Variants in LIPK observed in about 807,000 individuals in gnomAD.
The protein encoded by LIPK is lipase family member K.
A neutral mutation model predicts 48.6 loss-of-function variants in LIPK; 32 were observed. That is an observed-to-expected ratio of 0.66 (90% CI 0.50 to 0.88). The LOEUF (loss-of-function observed/expected upper bound fraction) is 0.88, where lower values mean the gene tolerates loss of function less well. Among genes scored for constraint, LIPK ranks in the 40% least tolerant of loss-of-function variants. LIPK has a pLI of 0.00. For synonymous variants in LIPK, 164 were observed against 157.4 expected, an observed-to-expected ratio of 1.04 and a Z score of -0.32; for missense variants, 507 against 478.5, an observed-to-expected ratio of 1.06 and a Z score of -0.56.
chr10:88,716,218 T>C (rs1245488061), intron 1 of LIPK, among the ~76,000 whole-genome samples: 4 of 152,230 alleles, frequency 2.6e-5, no homozygotes, highest in African/African-American at 9.6e-5. Context: ...AATTGAAAAC[T>C]TTTTAAAAAG....
chr10:88,739,377 C>T (rs576096866), intron 7 of LIPK, among the ~76,000 whole-genome samples: 6 of 152,236 alleles, frequency 3.9e-5, no homozygotes, highest in African/African-American at 7.2e-5. Context: ...ACCCTTGAAC[C>T]TATGGGAGTT....
At chr10:88,714,014 TTTG>T (rs910165741) in intron 1 of LIPK, among the ~76,000 whole-genome samples, 99 of 152,032 alleles carry the variant, frequency 6.5e-4, no homozygotes, top group Non-Finnish European at 1.2e-3. Context: ...CTTTCCCATC[TTTG>T]TTGTTGTTGT....
At chr10:88,740,877 C>A (rs17433712) in intron 8 of LIPK, among the ~76,000 whole-genome samples, 1 of 151,912 alleles carries the variant, frequency 6.6e-6, no homozygotes, top group South Asian at 2.1e-4. Flanking sequence ...TTTAGAGAAT[C>A]GCTACTATAG....
intron 1 of LIPK, among the ~76,000 whole-genome samples, chr10:88,708,689 C>A (rs1490500446): frequency 6.6e-6 from 1 of 151,950 alleles, no homozygotes; most frequent in African/African-American, 2.4e-5. Context: ...GATTTGATGC[C>A]TAATATCATC....
At chr10:88,740,499 A>G (rs435159) in intron 8 of LIPK, among the ~76,000 whole-genome samples, 32,989 of 152,180 alleles carry the variant, frequency 0.22, 3,760 homozygotes, top group East Asian at 0.37. Flanking sequence ...AAGAATTAAA[A>G]TGGATTTATG....
rs796474721 is a variant in LIPK at position 88,739,886 on chromosome 10, A to G, written c.817-110A>G. ...AAAAATAAAAATAAAAATAAAAAAA[A>G]GAAAGAAAGGGAAAAGAGGAAAAGA... On this transcript the variant is annotated intron_variant, in intron 7 of 9. Transcript: ENST00000404190. 2.0e-5 allele frequency: 12 copies of G among 613,842 alleles called. 1 individual carries two copies. The highest frequency in any genetic ancestry group is 1.9e-4 in the African/African-American group (10 of 52,456). The allele number at this position is 613,842 out of a possible 1,614,324, so 38.0% of individuals were successfully genotyped here. A position where few individuals can be genotyped will look rare whatever the true frequency, so the allele number is the denominator to read the frequency against.
chr10:88,745,922 G>C (rs1349522367), intron 9 of LIPK, among the ~76,000 whole-genome samples: 1 of 152,132 alleles, frequency 6.6e-6, no homozygotes, highest in African/African-American at 2.4e-5. Flanking sequence ...TCAAAGAAAA[G>C]GGAGGGAGAA....
At chr10:88,730,165 T>C (rs1426191259) in intron 3 of LIPK, among the ~76,000 whole-genome samples, 2 of 152,238 alleles carry the variant, frequency 1.3e-5, no homozygotes, top group African/African-American at 2.4e-5. Context: ...TTAATTATTG[T>C]TTTTATTATT....
intron 9 of LIPK, among the ~76,000 whole-genome samples, chr10:88,750,090 T>C (rs1027697717): frequency 3.3e-5 from 5 of 152,022 alleles, no homozygotes; most frequent in African/African-American, 1.2e-4. Context: ...GAAATGAAAA[T>C]CAAAACCATG....
rs376629947 is a variant in LIPK, at chr10:88,724,554, T to C, written c.11T>C (p.Leu4Pro). Reference protein sequence around the residue: MWQLLAAACWMLLL... With the variant: MWQPLAAACWMLLL... The stretch of plus-strand genomic sequence containing the variant: ...CTAGGCAGATCCCAAATGTGGCAGC[T>C]TTTAGCAGCAGCATGCTGGATGCTT... The change falls in exon 2 of 10, where the codon CTT (leucine) becomes CCT (proline). Residue 4 changes from leucine (L) to proline (P), a missense_variant. By Grantham distance (98) the Leu-to-Pro change is moderately conservative. Coordinates refer to ENST00000404190, the MANE Select transcript of LIPK (RefSeq NM_001080518.2). 3.6e-5 allele frequency: 58 copies of C among 1,605,038 alleles called. No individual in the cohort carries two copies. Among genetic ancestry groups the C allele is most frequent in the Non-Finnish European group, 4.7e-5 (55 of 1,176,658 alleles).
intron 1 of LIPK, among the ~76,000 whole-genome samples, chr10:88,715,526 T>A (rs1455412691): frequency 1.3e-5 from 2 of 152,096 alleles, no homozygotes; most frequent in African/African-American, 4.8e-5. Context: ...TTCCTTTACA[T>A]TTAAAGTGTG....
chr10:88,751,854 C>T (rs1001839493), intron 9 of LIPK, among the ~76,000 whole-genome samples: 9 of 152,084 alleles, frequency 5.9e-5, no homozygotes, highest in Non-Finnish European at 1.0e-4. Context: ...GACCTCTGGC[C>T]CAGTTTTAGT....
At chr10:88,748,484 G>A (rs982217682) in intron 9 of LIPK, among the ~76,000 whole-genome samples, 1 of 152,014 alleles carries the variant, frequency 6.6e-6, no homozygotes, top group African/African-American at 2.4e-5. Context: ...GGGTGTGGTG[G>A]CAGGCACCTG....
At chr10:88,726,262 G>A (rs1053227261) in intron 2 of LIPK, among the ~76,000 whole-genome samples, 23 of 152,290 alleles carry the variant, frequency 1.5e-4, no homozygotes, top group Non-Finnish European at 2.6e-4. Flanking sequence ...AAACAAGAAT[G>A]TAGGGTCACC....
intron 1 of LIPK, among the ~76,000 whole-genome samples, chr10:88,710,059 A>G (rs550793500): frequency 3.9e-5 from 6 of 152,034 alleles, no homozygotes; most frequent in Non-Finnish European, 4.4e-5. Flanking sequence ...TATTTAACAT[A>G]ATGTTATAAG....
At chr10:88,741,173 C>A (rs903159168) in intron 8 of LIPK, among the ~76,000 whole-genome samples, 8 of 152,098 alleles carry the variant, frequency 5.3e-5, no homozygotes, top group African/African-American at 1.7e-4. Flanking sequence ...TTGATATCCC[C>A]CCACTCTACA....
chr10:88,722,161 G>A (rs1056396658), intron 1 of LIPK, among the ~76,000 whole-genome samples: 20 of 152,226 alleles, frequency 1.3e-4, no homozygotes, highest in African/African-American at 4.1e-4. Flanking sequence ...TAGGTGTGGC[G>A]GCACGCGCCT....
chr10:88,725,742 G>A (rs893189933), intron 2 of LIPK, among the ~76,000 whole-genome samples: 12 of 152,140 alleles, frequency 7.9e-5, no homozygotes, highest in African/African-American at 1.4e-4. Context: ...AAACCTCTAC[G>A]CAGAAGATAC....
chr10:88,743,154 G>A (rs1842709165), intron 8 of LIPK, 96 bp from the exon 9 acceptor site: 2 of 673,394 alleles, frequency 3.0e-6, no homozygotes, highest in Non-Finnish European at 2.5e-6. Flanking sequence ...CTAAAGACTG[G>A]GGCATAATGT....
Sources: gnomAD v4.1 joint callset for allele counts (sites outside exome capture counted in the v4.1 genomes callset) on GRCh38, gnomAD v4.1.1 for gene constraint, MANE v1.5 for transcripts, NCBI Gene and HGNC (gene_info 2026-07-23, HGNC 2026-07-21) for gene names.